LRRC4C: variants seen among roughly 807,000 people sequenced by gnomAD.
The protein encoded by LRRC4C is leucine rich repeat containing 4C, also known as leucine-rich repeat-containing protein 4C.
In LRRC4C, 5 loss-of-function variants were observed where a neutral mutation model predicts 33.6. The observed-to-expected ratio is 0.15, with a 90% CI of 0.08 to 0.31. LRRC4C has a LOEUF of 0.31. Among genes scored for constraint, LRRC4C ranks in the 10% least tolerant of loss-of-function variants. The pLI, the probability that LRRC4C is intolerant of heterozygous loss-of-function variation, is 1.00. For synonymous variants in LRRC4C, 329 were observed against 302.0 expected (o/e 1.09, Z -0.93); for missense variants, 560 against 796.7 (o/e 0.70, Z 3.58).
intron 3 of LRRC4C, among the ~76,000 whole-genome samples, chr11:40,574,600 T>G (rs528822613): frequency 6.6e-6 from 1 of 152,268 alleles, no homozygotes; most frequent in Admixed American, 6.5e-5. Flanking sequence ...TGTAATACAA[T>G]GTATTCAAAC....
chr11:41,051,137 T>A (rs1858175663), intron 1 of LRRC4C, among the ~76,000 whole-genome samples: 1 of 152,170 alleles, frequency 6.6e-6, no homozygotes, highest in African/African-American at 2.4e-5. Context: ...GACCCTGGTT[T>A]CACAAGTTTG....
At chr11:40,157,257 A>G (rs1473834656) in intron 5 of LRRC4C, among the ~76,000 whole-genome samples, 2 of 152,184 alleles carry the variant, frequency 1.3e-5, no homozygotes, top group Non-Finnish European at 2.9e-5. Context: ...ACAAAAATCA[A>G]CACAAGTTGG....
At chr11:40,534,005 G>A (rs1956374058) in intron 3 of LRRC4C, among the ~76,000 whole-genome samples, 1 of 152,128 alleles carries the variant, frequency 6.6e-6, no homozygotes, top group Non-Finnish European at 1.5e-5. Context: ...AAGATTTTGA[G>A]GCACATGTGC....
intron 2 of LRRC4C, among the ~76,000 whole-genome samples, chr11:40,718,875 T>C (rs906062911): frequency 2.0e-5 from 3 of 152,170 alleles, no homozygotes; most frequent in African/African-American, 7.2e-5. Context: ...ATTCATTTCC[T>C]ACCCTCTCAT....
intron 3 of LRRC4C, among the ~76,000 whole-genome samples, chr11:40,439,192 G>A (rs1294130077): frequency 6.7e-6 from 1 of 150,110 alleles, no homozygotes; most frequent in Non-Finnish European, 1.5e-5. Flanking sequence ...CACCCACCTT[G>A]GCCTACCAAA....
At chr11:40,118,910 A>G (rs764301387) in intron 6 of LRRC4C, among the ~76,000 whole-genome samples, 23 of 152,166 alleles carry the variant, frequency 1.5e-4, no homozygotes, top group Non-Finnish European at 2.9e-4. Context: ...AAGCAATGGA[A>G]GAAACTAGTG....
At chr11:41,028,290 A>G (rs564317972) in intron 1 of LRRC4C, among the ~76,000 whole-genome samples, 48 of 151,738 alleles carry the variant, frequency 3.2e-4, no homozygotes, top group African/African-American at 1.2e-3. Context: ...TTCTACAAAC[A>G]TTGGCAAAGA....
At chr11:40,834,911 G>GACACACACACACACACACAC (rs10682975) in intron 2 of LRRC4C, among the ~76,000 whole-genome samples, 12 of 84,826 alleles carry the variant, frequency 1.4e-4, no homozygotes, top group South Asian at 5.5e-4. Context: ...CAGACAGACA[G>GACACACACACACACACACAC]ACACACACAC....
At chr11:40,501,820 T>A (rs186367393) in intron 3 of LRRC4C, among the ~76,000 whole-genome samples, 13 of 152,348 alleles carry the variant, frequency 8.5e-5, no homozygotes, top group Admixed American at 8.5e-4. Context: ...GTGTTACTTA[T>A]GCAAGTTTCT....
chr11:41,142,640 G>A (rs766093364), intron 1 of LRRC4C, among the ~76,000 whole-genome samples: 2 of 152,064 alleles, frequency 1.3e-5, no homozygotes, highest in Non-Finnish European at 2.9e-5. Context: ...ACTAATTGCA[G>A]AAAGACTGAT....
chr11:41,188,796 G>C (rs1945813101), intron 1 of LRRC4C, among the ~76,000 whole-genome samples: 1 of 151,238 alleles, frequency 6.6e-6, no homozygotes, highest in Non-Finnish European at 1.5e-5. Flanking sequence ...TTTTGGGCAG[G>C]TTATCTCTAA....
intron 2 of LRRC4C, among the ~76,000 whole-genome samples, chr11:40,659,128 C>A (rs1397625360): frequency 6.6e-6 from 1 of 152,234 alleles, no homozygotes; most frequent in Non-Finnish European, 1.5e-5. Context: ...TGTGTCTGGC[C>A]TCTCCCTGTT....
intron 2 of LRRC4C, among the ~76,000 whole-genome samples, chr11:40,790,533 A>C (rs1472490028): frequency 2.6e-5 from 4 of 152,196 alleles, no homozygotes; most frequent in Admixed American, 2.0e-4. Context: ...CAAGGTGAGC[A>C]CGCGGTCCAA....
intron 5 of LRRC4C, among the ~76,000 whole-genome samples, chr11:40,221,034 C>T (rs181892100): frequency 3.9e-5 from 6 of 152,020 alleles, no homozygotes; most frequent in African/African-American, 1.4e-4. Context: ...GGCCACCATG[C>T]CCAGCTAATT....
chr11:40,455,305 T>C (rs1312918500), intron 3 of LRRC4C, among the ~76,000 whole-genome samples: 2 of 152,168 alleles, frequency 1.3e-5, no homozygotes, highest in Non-Finnish European at 2.9e-5. Context: ...CAGGCTGACA[T>C]GCTGCTTTTG....
At chr11:40,514,508 A>G (rs1057170951) in intron 3 of LRRC4C, among the ~76,000 whole-genome samples, 99 of 152,178 alleles carry the variant, frequency 6.5e-4, no homozygotes, top group African/African-American at 2.4e-3. Flanking sequence ...AAAGCCATAC[A>G]AAGTACTTAA....
intron 2 of LRRC4C, among the ~76,000 whole-genome samples, chr11:40,737,215 T>C (rs1947916291): frequency 6.6e-6 from 1 of 152,164 alleles, no homozygotes; most frequent in South Asian, 2.1e-4. Flanking sequence ...TGATGGAATG[T>C]ATCTCAATAT....
intron 3 of LRRC4C, among the ~76,000 whole-genome samples, chr11:40,570,356 C>T (rs760908185): frequency 2.6e-5 from 4 of 152,130 alleles, no homozygotes; most frequent in Non-Finnish European, 5.9e-5. Context: ...GAGGACCTAA[C>T]CTTGCCCAAT....
chr11:40,980,031 C>T (rs1330891365), intron 1 of LRRC4C, among the ~76,000 whole-genome samples: 3 of 152,176 alleles, frequency 2.0e-5, no homozygotes, highest in African/African-American at 7.2e-5. Flanking sequence ...GAAGTCCCAT[C>T]TGGTTGAAAT....
Sources: gnomAD v4.1 joint callset for allele counts (sites outside exome capture counted in the v4.1 genomes callset) on GRCh38, gnomAD v4.1.1 for gene constraint, MANE v1.5 for transcripts, NCBI Gene and HGNC (gene_info 2026-07-23, HGNC 2026-07-21) for gene names.